KCNG2: variants seen among roughly 807,000 people sequenced by gnomAD.
KCNG2 encodes the protein potassium voltage-gated channel modifier subfamily G member 2.
A neutral mutation model predicts 12.3 loss-of-function variants in KCNG2; 7 were observed. The observed-to-expected ratio is 0.57, with a 90% CI of 0.32 to 1.07. The LOEUF (loss-of-function observed/expected upper bound fraction) is 1.07, where lower values mean the gene tolerates loss of function less well. Ranked by LOEUF, KCNG2 falls within the 50% of genes least tolerant of loss-of-function variation. The probability of loss-of-function intolerance (pLI) is 0.04; values close to 1 mark genes in which losing one functional copy is unlikely to be tolerated. For missense variants in KCNG2, 703 were observed against 726.0 expected (o/e 0.97, Z 0.36); for synonymous variants, 414 against 351.4 (o/e 1.18, Z -1.99).
chr18:79,857,250 C>T (rs1418922120), intron 2 of KCNG2, among the ~76,000 whole-genome samples: 1 of 149,622 alleles, frequency 6.7e-6, no homozygotes, highest in Non-Finnish European at 1.5e-5. Flanking sequence ...CTGACCACGT[C>T]CCCCCTCTTC....
At position 79,864,959 on chromosome 18, in the gene KCNG2, G is replaced by A. The variant is rs1001936405; in HGVS notation, c.624+668G>A. Reference sequence around the variant, plus strand: ...GAGAAGTTTGGGTGCTGAGTTCTGTGTGCGGAAGTCTGGGTGCTGAGAGGT... The same window carrying A: ...GAGAAGTTTGGGTGCTGAGTTCTGTATGCGGAAGTCTGGGTGCTGAGAGGT... On this transcript the variant is annotated intron_variant, in intron 3 of 3. Coordinates refer to ENST00000316249, the MANE Select transcript of KCNG2 (RefSeq NM_012283.2). Among the ~76,000 whole-genome samples the A allele has an allele frequency of 4.0e-5, 6 of 150,916 alleles. 1 individual carries two copies. In the South Asian group the frequency reaches 1.3e-3, roughly 32 times the overall value.
At chr18:79,864,467 T>C (rs1979377776) in intron 3 of KCNG2, among the ~76,000 whole-genome samples, 176 bp downstream of exon 3, 1 of 151,776 alleles carries the variant, frequency 6.6e-6, no homozygotes, top group African/African-American at 2.4e-5. Flanking sequence ...GCGGCCGGGC[T>C]GAGGGAGCGC....
intron 1 of KCNG2, among the ~76,000 whole-genome samples, chr18:79,840,228 A>G (rs1345070518): frequency 1.3e-5 from 2 of 152,242 alleles, no homozygotes; most frequent in African/African-American, 4.8e-5. Context: ...CAAGAAATCT[A>G]CAAAAAGCCA....
At chr18:79,850,302 G>A (rs1978773731) in intron 1 of KCNG2, among the ~76,000 whole-genome samples, 1 of 152,112 alleles carries the variant, frequency 6.6e-6, no homozygotes, top group African/African-American at 2.4e-5. Flanking sequence ...TATAAAATTG[G>A]GATTATTCTG....
chr18:79,834,765 G>C (rs1978314614), intron 1 of KCNG2, among the ~76,000 whole-genome samples: 1 of 152,200 alleles, frequency 6.6e-6, no homozygotes, highest in Non-Finnish European at 1.5e-5. Flanking sequence ...TCTCCCAACA[G>C]ACTTCCTTGT....
intron 1 of KCNG2, among the ~76,000 whole-genome samples, chr18:79,854,208 G>T (rs1349565874): frequency 1.3e-5 from 2 of 152,196 alleles, no homozygotes; most frequent in Non-Finnish European, 2.9e-5. Context: ...TCACTGCCCG[G>T]CAGAGCCTCA....
intron 1 of KCNG2, among the ~76,000 whole-genome samples, chr18:79,826,994 G>T (rs1358044382): frequency 3.3e-5 from 5 of 152,262 alleles, no homozygotes; most frequent in Non-Finnish European, 5.9e-5. Context: ...CTTGGCTTCT[G>T]CCCGCTTTCT....
At position 79,863,766 on chromosome 18, in the gene KCNG2, C is replaced by A; in HGVS notation, c.99C>A (p.Ala33=). Residue 33 remains alanine (A), a synonymous_variant, in exon 3 of 4, where the codon GCC becomes GCA. Transcript: ENST00000316249. ...VGGCRVRLAW[A]ALARCPLARL... ...GCTGCCGCGTGCGCCTGGCATGGGC[C>A]GCGCTGGCGCGATGCCCCCTCGCGC... 8.1e-7 allele frequency: 1 copy of A among 1,236,966 alleles called. No individual in the cohort carries two copies. The highest frequency in any genetic ancestry group is 1.0e-6 in the Non-Finnish European group (1 of 985,654). 76.6% of individuals were successfully genotyped at this position (1,236,966 alleles called of 1,614,324 possible).
At chr18:79,862,254 C>T (rs1979248988) in intron 2 of KCNG2, among the ~76,000 whole-genome samples, 1 of 152,150 alleles carries the variant, frequency 6.6e-6, no homozygotes, top group Non-Finnish European at 1.5e-5. Context: ...CTCCCCTCTC[C>T]CCAGGAGTTT....
At chr18:79,840,814 G>C (rs1978437438) in intron 1 of KCNG2, among the ~76,000 whole-genome samples, 1 of 152,072 alleles carries the variant, frequency 6.6e-6, no homozygotes, top group South Asian at 2.1e-4. Flanking sequence ...AACTTTGACA[G>C]AGGTTCAAAA....
chr18:79,876,489 CAG>C (rs1429477613), intron 3 of KCNG2, among the ~76,000 whole-genome samples: 5 of 152,248 alleles, frequency 3.3e-5, no homozygotes, highest in Non-Finnish European at 4.4e-5. Context: ...AGGGACAGGA[CAG>C]GGGCTGCAGG....
intron 1 of KCNG2, among the ~76,000 whole-genome samples, chr18:79,818,378 T>C (rs2087546024): frequency 6.6e-6 from 1 of 152,206 alleles, no homozygotes; most frequent in South Asian, 2.1e-4. Flanking sequence ...CCGCGAGAGA[T>C]GCGCCAGGGT....
At chr18:79,897,052 A>G (rs1981001130) in intron 3 of KCNG2, among the ~76,000 whole-genome samples, 1 of 152,110 alleles carries the variant, frequency 6.6e-6, no homozygotes, top group African/African-American at 2.4e-5. Flanking sequence ...TGATGTGTCC[A>G]CCTGCGGGCC....
In KCNG2 at chr18:79,803,252, C is replaced by A. The variant is rs1298546292; in HGVS notation, c.-115+5238C>A. 6.6e-6 allele frequency among the ~76,000 whole-genome samples: 1 copy of A among 152,128 alleles called. No individual in the cohort carries two copies. Among genetic ancestry groups the A allele is most frequent in the African/African-American group, 2.4e-5 (1 of 41,382 alleles). The stretch of plus-strand genomic sequence containing the variant: ...CACAGGGCAGGGCCAGCCCCCTCAT[C>A]TCCAGGCCCCCAGCTCTTTCACCTC... On this transcript the variant is annotated intron_variant, in intron 1 of 3. Coordinates refer to ENST00000316249, the MANE Select transcript of KCNG2 (RefSeq NM_012283.2). The surrounding 1 kb of genome is among the most constrained non-coding windows in gnomAD (Gnocchi z 4.5).
intron 3 of KCNG2, among the ~76,000 whole-genome samples, chr18:79,885,189 C>A (rs1980476124): frequency 2.0e-5 from 3 of 152,104 alleles, no homozygotes; most frequent in Admixed American, 2.0e-4. Context: ...ACGCAGGAGC[C>A]GGCCCTGGCA....
intron 1 of KCNG2, among the ~76,000 whole-genome samples, chr18:79,834,131 A>C (rs898552377): frequency 1.3e-5 from 2 of 152,214 alleles, no homozygotes; most frequent in Admixed American, 1.3e-4. Context: ...GTATCAGTGA[A>C]GGTGAGCTGG....
chr18:79,855,068 T>C (rs939263725), intron 1 of KCNG2, among the ~76,000 whole-genome samples: 3 of 152,224 alleles, frequency 2.0e-5, no homozygotes, highest in African/African-American at 7.2e-5. Flanking sequence ...GTAATGTCTT[T>C]GCTTTCCCTA....
intron 1 of KCNG2, among the ~76,000 whole-genome samples, chr18:79,806,660 A>G (rs1329036438): frequency 6.6e-6 from 1 of 152,200 alleles, no homozygotes; most frequent in Non-Finnish European, 1.5e-5. Flanking sequence ...GCATCAGAAC[A>G]TGGATTCTCT....
chr18:79,899,501 G>A lies in KCNG2; in HGVS notation c.1086G>A (p.Trp362Ter). 1 of 1,607,516 alleles carries A rather than the reference G, an allele frequency of 6.2e-7. No homozygotes were observed. Among genetic ancestry groups the A allele is most frequent in the Non-Finnish European group, 8.5e-7 (1 of 1,177,806 alleles). The change falls in exon 4 of 4, where the codon TGG becomes TGA. Residue 362 changes from tryptophan to a stop codon, truncating the protein, a stop_gained. Coordinates refer to ENST00000316249, the MANE Select transcript of KCNG2 (RefSeq NM_012283.2). LOFTEE classifies it low-confidence loss of function (END_TRUNC). ...DFSSVPASYW[W>*]AVISMTTVGY... ...CCAGCGTGCCCGCCAGCTATTGGTG[G>A]GCCGTCATCTCCATGACCACCGTGG...
Sources: gnomAD v4.1 joint callset for allele counts (sites outside exome capture counted in the v4.1 genomes callset) on GRCh38, gnomAD v4.1.1 for gene constraint, Gnocchi (gnomAD v3.1) non-coding constraint, MANE v1.5 for transcripts, NCBI Gene and HGNC (gene_info 2026-07-23, HGNC 2026-07-21) for gene names.